The following BRINP3 variants were observed in gnomAD, a reference collection of about 807,000 sequenced individuals.
BRINP3 encodes BMP/retinoic acid-inducible neural-specific protein 3.
Under a neutral mutation model 71.0 loss-of-function variants are expected in BRINP3, and 19 were observed. The observed-to-expected ratio is 0.27, with a 90% CI of 0.19 to 0.39. BRINP3 has a LOEUF of 0.39. Ranked by LOEUF, BRINP3 falls within the 10% of genes least tolerant of loss-of-function variation. The pLI, the probability that BRINP3 is intolerant of heterozygous loss-of-function variation, is 1.00. For synonymous variants in BRINP3, 380 were observed against 337.7 expected (o/e 1.13, Z -1.37); for missense variants, 959 against 940.8 (o/e 1.02, Z -0.25).
intron 4 of BRINP3, among the ~76,000 whole-genome samples, chr1:190,260,615 C>T (rs1661106256): frequency 6.6e-6 from 1 of 151,862 alleles, no homozygotes; most frequent in Non-Finnish European, 1.5e-5. Context: ...ATTTTGCCCC[C>T]AAATAACAAA....
At chr1:190,446,505 CAAAT>C (rs1675228938) in intron 2 of BRINP3, among the ~76,000 whole-genome samples, 1 of 151,928 alleles carries the variant, frequency 6.6e-6, no homozygotes, top group Non-Finnish European at 1.5e-5. Context: ...CCAATATACA[CAAAT>C]AAAAGTATAA....
intron 6 of BRINP3, chr1:190,216,821 C>T (rs2102670702): frequency 6.6e-6 from 1 of 151,952 alleles, no homozygotes; most frequent in South Asian, 2.1e-4. Flanking sequence ...TTGTGGAATG[C>T]ACTCTGACAC....
At chr1:190,412,555 C>T (rs1385290077) in intron 2 of BRINP3, among the ~76,000 whole-genome samples, 9 of 146,910 alleles carry the variant, frequency 6.1e-5, no homozygotes, top group Non-Finnish European at 1.1e-4. Flanking sequence ...CTCCGCCTCC[C>T]GGGTTCACGC....
intron 6 of BRINP3, among the ~76,000 whole-genome samples, chr1:190,164,093 A>T (rs1360253689): frequency 1.3e-5 from 2 of 152,102 alleles, no homozygotes; most frequent in African/African-American, 4.8e-5. Flanking sequence ...AATTTTGGGG[A>T]TGTTAAAGAA....
At chr1:190,309,723 T>C (rs1356014338) in intron 2 of BRINP3, among the ~76,000 whole-genome samples, 1 of 151,790 alleles carries the variant, frequency 6.6e-6, no homozygotes, top group East Asian at 1.9e-4. Flanking sequence ...AATCCAATTT[T>C]ATTTTCCCTG....
intron 2 of BRINP3, among the ~76,000 whole-genome samples, chr1:190,384,152 T>A (rs1355883837): frequency 6.6e-6 from 1 of 150,590 alleles, no homozygotes; most frequent in East Asian, 2.0e-4. Context: ...AAATGTTTTT[T>A]TTTTCATTGC....
At chr1:190,277,757 C>A (rs1281533987) in intron 3 of BRINP3, among the ~76,000 whole-genome samples, 1 of 151,490 alleles carries the variant, frequency 6.6e-6, no homozygotes, top group Non-Finnish European at 1.5e-5. Context: ...AAATATATTC[C>A]ATAGCTAGAA....
chr1:190,301,244 C>CATAT (rs368220773), intron 2 of BRINP3, among the ~76,000 whole-genome samples: 1 of 112,802 alleles, frequency 8.9e-6, no homozygotes, highest in South Asian at 2.9e-4. Flanking sequence ...TACACACATA[C>CATAT]ATATATATAT....
intron 6 of BRINP3, among the ~76,000 whole-genome samples, chr1:190,173,246 G>A (rs1322918221): frequency 3.9e-5 from 6 of 152,134 alleles, no homozygotes; most frequent in Non-Finnish European, 8.8e-5. Flanking sequence ...AAAACTACTT[G>A]CAGCATCTGG....
At chr1:190,228,991 A>G (rs1341695119) in intron 5 of BRINP3, among the ~76,000 whole-genome samples, 1 of 152,018 alleles carries the variant, frequency 6.6e-6, no homozygotes, top group East Asian at 1.9e-4. Context: ...CCGGTGTGAA[A>G]GGACTAGTTT....
At chr1:190,354,481 T>A (rs369227678) in intron 2 of BRINP3, among the ~76,000 whole-genome samples, 1 of 151,950 alleles carries the variant, frequency 6.6e-6, no homozygotes, top group Non-Finnish European at 1.5e-5. Context: ...ACTTAAAAGG[T>A]GTTTCATAAA....
chr1:190,124,570 T>C (rs1040582057), intron 7 of BRINP3, among the ~76,000 whole-genome samples: 6 of 152,152 alleles, frequency 3.9e-5, no homozygotes, highest in Non-Finnish European at 5.9e-5. Context: ...TGATACCTGA[T>C]GGTATTTTAA....
At chr1:190,468,420 C>G (rs527842769) in intron 1 of BRINP3, among the ~76,000 whole-genome samples, 1 of 151,260 alleles carries the variant, frequency 6.6e-6, no homozygotes, top group African/African-American at 2.4e-5. Context: ...CATTTTTATT[C>G]TGGCCTATCT....
intron 4 of BRINP3, among the ~76,000 whole-genome samples, chr1:190,241,040 A>G (rs942729848): frequency 3.9e-5 from 6 of 151,980 alleles, no homozygotes; most frequent in African/African-American, 1.2e-4. Flanking sequence ...TTAATTAACT[A>G]TAAACTCTCT....
In BRINP3 at chr1:190,097,913, A is replaced by G. The variant is rs1255684914; in HGVS notation, c.*105T>C. On this transcript the variant is annotated 3_prime_UTR_variant, in exon 8 of 8. Transcript: ENST00000367462. ...CCAATGTTATTGACTGATATAAGAC[A>G]GATATTGAAAAGACAATTTAAATTT... The G allele has an allele frequency of 8.2e-7, 1 of 1,223,658 alleles. No homozygotes were observed. The highest frequency in any genetic ancestry group is 1.1e-6 in the Non-Finnish European group (1 of 879,854). The allele number at this position is 1,223,658 out of a possible 1,614,324, so 75.8% of individuals were successfully genotyped here.
intron 7 of BRINP3, among the ~76,000 whole-genome samples, 159 bp downstream of exon 7, chr1:190,160,507 CTA>C (rs1183158008): frequency 6.6e-6 from 1 of 151,668 alleles, no homozygotes; most frequent in Non-Finnish European, 1.5e-5. Context: ...TGAGAAATAA[CTA>C]TAATTTATTA....
At chr1:190,333,958 C>T (rs1336439761) in intron 2 of BRINP3, among the ~76,000 whole-genome samples, 3 of 151,890 alleles carry the variant, frequency 2.0e-5, no homozygotes, top group African/African-American at 4.8e-5. Context: ...TAAGTTTTCT[C>T]AGTTCCATAA....
At chr1:190,273,507 A>G (rs931824350) in intron 3 of BRINP3, among the ~76,000 whole-genome samples, 6 of 151,584 alleles carry the variant, frequency 4.0e-5, no homozygotes, top group South Asian at 2.1e-4. Context: ...GTGGTGGTTT[A>G]TGGTCATTAA....
chr1:190,412,395 T>TATTA (rs1383060718), intron 2 of BRINP3, among the ~76,000 whole-genome samples: 3 of 134,998 alleles, frequency 2.2e-5, no homozygotes, highest in Non-Finnish European at 3.2e-5. Context: ...TATATATATA[T>TATTA]TATATATATA....
Sources: allele counts gnomAD v4.1 joint callset (sites outside exome capture counted in the v4.1 genomes callset), GRCh38; gene constraint gnomAD v4.1.1; transcripts MANE v1.5; gene names NCBI Gene and HGNC (gene_info 2026-07-23, HGNC 2026-07-21).